The following ITGA1 variants were observed in gnomAD, a reference collection of about 807,000 sequenced individuals.
ITGA1 encodes integrin subunit alpha 1.
In ITGA1, 85 loss-of-function variants were observed where a neutral mutation model predicts 145.9. That is an observed-to-expected ratio of 0.58 (90% CI 0.49 to 0.70). ITGA1 has a LOEUF of 0.70. ITGA1 is among the 30% of genes least tolerant of loss of function. The pLI is 0.00. For synonymous variants in ITGA1, 520 were observed against 495.3 expected, an observed-to-expected ratio of 1.05 and a Z score of -0.66; for missense variants, 1,351 against 1,418.7, an observed-to-expected ratio of 0.95 and a Z score of 0.77.
intron 1 of ITGA1, chr5:52,801,310 A>G (rs1748475855): frequency 8.6e-7 from 1 of 1,166,702 alleles, no homozygotes; most frequent in Non-Finnish European, 1.2e-6. Context: ...GCTGAAACAT[A>G]TGAAGCCTTA....
In ITGA1 at chr5:52,911,530, T is replaced by G. The variant is rs1481149352; in HGVS notation, c.1857+1111T>G. ...ACACTATATATAGTATATATATCTA[T>G]ATATTAGATACATATACTATATATA... On this transcript the variant is annotated intron_variant, in intron 14 of 28. Transcript: ENST00000282588. 7.4e-5 allele frequency among the ~76,000 whole-genome samples: 9 copies of G among 121,692 alleles called. 1 individual carries two copies. Among genetic ancestry groups the G allele is most frequent in the African/African-American group, 2.7e-4 (9 of 32,828 alleles). 79.8% of individuals were successfully genotyped at this position (121,692 alleles called of 152,430 possible).
At chr5:52,806,216 G>C (rs1360511215) in intron 1 of ITGA1, among the ~76,000 whole-genome samples, 2 of 110,338 alleles carry the variant, frequency 1.8e-5, no homozygotes, top group African/African-American at 8.4e-5. Context: ...GAAATTTAGT[G>C]TAAAAGTGTT....
intron 6 of ITGA1, chr5:52,867,088 C>T (rs905695469): frequency 1.3e-5 from 2 of 150,352 alleles, no homozygotes; most frequent in East Asian, 1.9e-4. Context: ...AGACTGACTG[C>T]GTTAATGTTT....
rs567216405 is a variant in ITGA1, at chr5:52,849,472, G to A, written c.169G>A (p.Glu57Lys). 2 of 1,602,758 alleles carry A rather than the reference G, an allele frequency of 1.2e-6. No individual in the cohort carries two copies. Among genetic ancestry groups the A allele is most frequent in the Non-Finnish European group, 8.5e-7 (1 of 1,173,172 alleles). The stretch of plus-strand genomic sequence containing the variant: ...ATATACTGTTCAACAATATGAAAAT[G>A]AAGAAGGAAAATGGTAAGCCAGTGG... ...FGYTVQQYENEEGKWVLIGSP... is the reference protein window; with the variant it reads ...FGYTVQQYENKEGKWVLIGSP... The change falls in exon 2 of 29, where the codon GAA (glutamate) becomes AAA (lysine). Residue 57 changes from glutamate to lysine, a missense_variant. Glu to Lys is a moderately conservative substitution (Grantham distance 56, BLOSUM62 1). Coordinates refer to ENST00000282588, the MANE Select transcript of ITGA1 (RefSeq NM_181501.2).
At chr5:52,871,585 A>C (rs1749776609) in intron 6 of ITGA1, among the ~76,000 whole-genome samples, 1 of 152,002 alleles carries the variant, frequency 6.6e-6, no homozygotes, top group Non-Finnish European at 1.5e-5. Flanking sequence ...AATATTTCCC[A>C]AAGTAACTGT....
rs1010320025 is a variant in ITGA1, at chr5:52,944,029, C to T, written c.3286-914C>T. ...AGGGACTCTGGGAGGGTCTGGCAGG[C>T]GGGAGAGGCTGCAGAACAGACATGC... On this transcript the variant is annotated intron_variant, in intron 26 of 28. Coordinates refer to ENST00000282588, the MANE Select transcript of ITGA1 (RefSeq NM_181501.2). Among the ~76,000 whole-genome samples the T allele has an allele frequency of 9.2e-5, 14 of 152,208 alleles. No individual in the cohort carries two copies. In the East Asian group the frequency reaches 1.2e-3, roughly 13 times the overall value.
At chr5:52,848,136 C>T (rs1372066121) in intron 1 of ITGA1, among the ~76,000 whole-genome samples, 1 of 152,086 alleles carries the variant, frequency 6.6e-6, no homozygotes, top group African/African-American at 2.4e-5. Context: ...TTATCAACAC[C>T]AACATTATAA....
In ITGA1 at chr5:52,944,987, G is replaced by C; in HGVS notation, c.3330G>C (p.Arg1110=). ...ATCTTACTATAAGGGGAGAACTTCG[G>C]AGTGAAAATGCATCTCTGGTTTTAA... ...SLNLTIRGEL[R]SENASLVLSS... Residue 1110 remains arginine, a synonymous_variant, in exon 27 of 29, where the codon CGG becomes CGC. Transcript: ENST00000282588. The C allele has an allele frequency of 6.2e-7, 1 of 1,613,308 alleles. No homozygotes were observed. Among genetic ancestry groups the C allele is most frequent in the Non-Finnish European group, 8.5e-7 (1 of 1,179,744 alleles).
chr5:52,858,238 A>G (rs1484824368), intron 2 of ITGA1, among the ~76,000 whole-genome samples: 5 of 152,174 alleles, frequency 3.3e-5, no homozygotes, highest in Non-Finnish European at 2.9e-5. Context: ...ACTTCCCCCT[A>G]CATAGAATAA....
chr5:52,891,317 T>A (rs1365131410), intron 8 of ITGA1, among the ~76,000 whole-genome samples: 1 of 135,326 alleles, frequency 7.4e-6, no homozygotes, highest in Admixed American at 7.8e-5. Flanking sequence ...TGATGTGACA[T>A]ACCACCATAG....
chr5:52,790,387 T>C (rs1277193416), intron 1 of ITGA1, among the ~76,000 whole-genome samples: 1 of 152,236 alleles, frequency 6.6e-6, no homozygotes, highest in Non-Finnish European at 1.5e-5. Context: ...CAACTTGCCA[T>C]AGATCACCAG....
At chr5:52,940,134 A>G (rs1300133059) in intron 26 of ITGA1, among the ~76,000 whole-genome samples, 190 bp downstream of exon 26, 1 of 152,200 alleles carries the variant, frequency 6.6e-6, no homozygotes, top group Non-Finnish European at 1.5e-5. Context: ...GTTAAGAACT[A>G]AGATATTACC....
chr5:52,869,530 C>G (rs545067186), intron 6 of ITGA1, among the ~76,000 whole-genome samples: 1 of 152,050 alleles, frequency 6.6e-6, no homozygotes, highest in Non-Finnish European at 1.5e-5. Context: ...TATTAGTGTG[C>G]GTGAGTGTGT....
At position 52,927,648 on chromosome 5, in the gene ITGA1, T is replaced by A; in HGVS notation, c.2678T>A (p.Leu893Gln). The A allele has an allele frequency of 6.2e-7, 1 of 1,605,710 alleles. No homozygotes were observed. Among genetic ancestry groups the A allele is most frequent in the Non-Finnish European group, 8.5e-7 (1 of 1,172,886 alleles). The stretch of plus-strand genomic sequence containing the variant: ...ACATGTAAAGTTGGATATCCCTTCC[T>A]GAGAAGAGGAGAGATGGTGAGCAGA... ...NITCKVGYPFLRRGEMVTFKI... is the reference protein window; with the variant it reads ...NITCKVGYPFQRRGEMVTFKI... Residue 893 changes from leucine (L) to glutamine (Q), a missense_variant, in exon 20 of 29, where the codon CTG (leucine) becomes CAG (glutamine). Transcript: ENST00000282588.
Position 52,957,176 on chromosome 5 carries a change from A to C in ITGA1, c.*4725A>C, listed in dbSNP as rs1410457759. 6.6e-6 allele frequency: 1 copy of C among 152,186 alleles called. No individual in the cohort carries two copies. The highest frequency in any genetic ancestry group is 1.5e-5 in the Non-Finnish European group (1 of 68,028). The allele number at this position is 152,186 out of a possible 1,614,324, so 9.4% of individuals were successfully genotyped here. A position where few individuals can be genotyped will look rare whatever the true frequency, so the allele number is the denominator to read the frequency against. On this transcript the variant is annotated 3_prime_UTR_variant, in exon 29 of 29. Transcript: ENST00000282588. ...ATTAACCTTGAGGAAAATGTGAAGTAGCATCTGGAGTCTCTTAAGCCCCAG... is the reference window on the plus strand; with the variant it reads ...ATTAACCTTGAGGAAAATGTGAAGTCGCATCTGGAGTCTCTTAAGCCCCAG...
intron 11 of ITGA1, chr5:52,902,100 A>G (rs937451236): frequency 6.6e-5 from 10 of 152,234 alleles, no homozygotes; most frequent in African/African-American, 2.4e-4. Flanking sequence ...TTTTTCATAA[A>G]CTGTGTGGAT....
At chr5:52,950,884 G>A (rs755690158) in intron 28 of ITGA1, among the ~76,000 whole-genome samples, 2 of 152,166 alleles carry the variant, frequency 1.3e-5, no homozygotes, top group African/African-American at 2.4e-5. Context: ...CTCAGGACAT[G>A]CAGGCACAAG....
chr5:52,789,518 C>CT (rs1403687185), intron 1 of ITGA1, among the ~76,000 whole-genome samples: 8 of 152,228 alleles, frequency 5.3e-5, no homozygotes, highest in Non-Finnish European at 1.0e-4. Flanking sequence ...GCAAGCAGAG[C>CT]TTTTTTCAGA....
chr5:52,834,970 G>A (rs1749141664), intron 1 of ITGA1, among the ~76,000 whole-genome samples: 1 of 152,116 alleles, frequency 6.6e-6, no homozygotes, highest in South Asian at 2.1e-4. Context: ...AAGAAGAAAG[G>A]TAGAAGAAGG....
Sources: gnomAD v4.1 joint callset for allele counts (sites outside exome capture counted in the v4.1 genomes callset) on GRCh38, gnomAD v4.1.1 for gene constraint, MANE v1.5 for transcripts, NCBI Gene and HGNC (gene_info 2026-07-23, HGNC 2026-07-21) for gene names.